The following LYRM9 variants were observed in gnomAD, a reference collection of about 807,000 sequenced individuals.
LYRM9 encodes LYR motif-containing protein 9.
In LYRM9, 14 loss-of-function variants were observed where a neutral mutation model predicts 12.6. The ratio of observed to expected loss-of-function variants is 1.11; its 90% confidence interval spans 0.73 to 1.73. The LOEUF is 1.73. Ranked by LOEUF, LYRM9 falls within the 40% of genes most tolerant of loss-of-function variation. LYRM9 has a pLI of 0.00. For missense variants in LYRM9, 94 were observed against 95.0 expected (o/e 0.99, Z 0.04); for synonymous variants, 42 against 35.1 (o/e 1.20, Z -0.69).
chr17:27,882,480 T>C, intron 2 of LYRM9, 89 bp downstream of exon 2: 3 of 1,424,920 alleles, frequency 2.1e-6, no homozygotes, highest in Non-Finnish European at 2.8e-6. Flanking sequence ...TCTCAGAGAC[T>C]AGCTCTGTGC....
intron 3 of LYRM9, 86 bp downstream of exon 3, chr17:27,880,188 G>T: frequency 9.7e-7 from 1 of 1,028,652 alleles, no homozygotes; most frequent in Non-Finnish European, 1.5e-6. Flanking sequence ...TCTCAACTGT[G>T]GGGCAGGAGT....
chr17:27,880,650 G>C (rs1431514591), intron 2 of LYRM9: 1 of 490,254 alleles, frequency 2.0e-6, no homozygotes, highest in African/African-American at 1.9e-5. Flanking sequence ...GCCAAATCAA[G>C]CTAGGCCCAA....
intron 1 of LYRM9, among the ~76,000 whole-genome samples, chr17:27,887,162 G>A (rs1311994648): frequency 1.3e-5 from 2 of 151,898 alleles, no homozygotes. Flanking sequence ...ATCTCAAAGT[G>A]TCCTGTCCTT....
chr17:27,879,313 C>T lies in LYRM9; in HGVS notation c.*160G>A. ...AACATAAAGGATGCTAGCAACATGG[C>T]CGCGGCAAGAGGAGCCTCTGGAGCA... On this transcript the variant is annotated 3_prime_UTR_variant, in exon 4 of 4. Transcript: ENST00000379102. The T allele has an allele frequency of 1.6e-6, 1 of 629,090 alleles. No individual in the cohort carries two copies. Among genetic ancestry groups the T allele is most frequent in the Non-Finnish European group, 2.5e-6 (1 of 396,434 alleles). The allele number at this position is 629,090 out of a possible 1,614,324, so 39.0% of individuals were successfully genotyped here.
At chr17:27,887,748 G>A (rs951463184) in intron 1 of LYRM9, among the ~76,000 whole-genome samples, 10 of 149,316 alleles carry the variant, frequency 6.7e-5, no homozygotes, top group Non-Finnish European at 1.5e-5. Context: ...GTGTGTGTGT[G>A]TGTGTGTGTG....
chr17:27,893,218 G>C (rs1053823818), intron 1 of LYRM9, 99 bp downstream of exon 1: 1 of 152,590 alleles, frequency 6.6e-6, no homozygotes, highest in African/African-American at 2.4e-5. Flanking sequence ...GGACACCCGA[G>C]GCCTCCACAT....
rs1356208950 is a variant in LYRM9, at chr17:27,893,347, C to T, written c.-49G>A. On this transcript the variant is annotated 5_prime_UTR_variant, in exon 1 of 4. Transcript: ENST00000379102. ...TCCAGGGGAACGCCAGCCCCGGACG[C>T]CGCCGCGGCGACGAGTGCGCCTGCG... 2 of 152,132 alleles carry T rather than the reference C, an allele frequency of 1.3e-5. No individual in the cohort carries two copies. Among genetic ancestry groups the T allele is most frequent in the African/African-American group, 4.8e-5 (2 of 41,420 alleles). The allele number at this position is 152,132 out of a possible 1,614,324, so 9.4% of individuals were successfully genotyped here.
At position 27,879,427 on chromosome 17, in the gene LYRM9, G is replaced by A. The variant is rs1289403910; in HGVS notation, c.*46C>T. The A allele has an allele frequency of 3.2e-6, 5 of 1,542,348 alleles. No individual in the cohort carries two copies. The highest frequency in any genetic ancestry group is 2.0e-5 in the Admixed American group (1 of 49,914). On this transcript the variant is annotated 3_prime_UTR_variant, in exon 4 of 4. Transcript: ENST00000379102. ...CTGCTGCTGCTGAGCTCCAGAAGAG[G>A]GGCCTCTCAACTTCCAGAGGCCAGG...
chr17:27,890,658 A>C (rs1224374821), intron 1 of LYRM9, among the ~76,000 whole-genome samples: 1 of 152,170 alleles, frequency 6.6e-6, no homozygotes, highest in African/African-American at 2.4e-5. Flanking sequence ...CGATATAGGC[A>C]CCTAAAAATA....
chr17:27,888,791 T>C (rs907024484), intron 1 of LYRM9, among the ~76,000 whole-genome samples: 1 of 152,140 alleles, frequency 6.6e-6, no homozygotes, highest in Non-Finnish European at 1.5e-5. Flanking sequence ...ACCCAGCTTT[T>C]CTCCCTACAT....
chr17:27,893,111 G>A (rs746379025), intron 1 of LYRM9: 3 of 152,218 alleles, frequency 2.0e-5, no homozygotes, highest in Non-Finnish European at 4.4e-5. Flanking sequence ...AAGCCCGGGC[G>A]CCGCGCTCCG....
Sources: allele counts gnomAD v4.1 joint callset (sites outside exome capture counted in the v4.1 genomes callset), GRCh38; gene constraint gnomAD v4.1.1; transcripts MANE v1.5; gene names NCBI Gene and HGNC (gene_info 2026-07-23, HGNC 2026-07-21).